TMEM177: variants seen among roughly 807,000 people sequenced by gnomAD.
The protein encoded by TMEM177 is transmembrane protein 177.
A neutral mutation model predicts 14.2 loss-of-function variants in TMEM177; 4 were observed. The observed-to-expected ratio is 0.28, with a 90% CI of 0.14 to 0.64. The LOEUF is 0.64. Among genes scored for constraint, TMEM177 ranks in the 30% least tolerant of loss-of-function variants. The pLI is 0.82. For synonymous variants in TMEM177, 179 were observed against 174.5 expected, an observed-to-expected ratio of 1.03 and a Z score of -0.20; for missense variants, 344 against 405.2, an observed-to-expected ratio of 0.85 and a Z score of 1.30.
chr2:119,709,562 C>T, the TMEM177 span, among the ~76,000 whole-genome samples: 1 of 152,180 alleles, frequency 6.6e-6, no homozygotes, highest in Non-Finnish European at 1.5e-5. Context: ...TGGCTTACAC[C>T]TGTAATCCTA....
the TMEM177 span, among the ~76,000 whole-genome samples, chr2:119,722,028 C>A: frequency 1.3e-5 from 2 of 152,224 alleles, no homozygotes; most frequent in East Asian, 3.9e-4. Context: ...TGACCCTTGG[C>A]CCATGTTAGC....
chr2:119,694,110 TACCACATGC>T, the TMEM177 span, among the ~76,000 whole-genome samples: 24 of 19,836 alleles, frequency 1.2e-3, no homozygotes, highest in South Asian at 3.4e-3. Context: ...CACAAACACA[TACCACATGC>T]ACCACATGCC....
At chr2:119,712,080 A>G in the TMEM177 span, among the ~76,000 whole-genome samples, 1 of 151,964 alleles carries the variant, frequency 6.6e-6, no homozygotes, top group Non-Finnish European at 1.5e-5. Context: ...CAGGGCAGCA[A>G]AGAGACCTGG....
the TMEM177 span, among the ~76,000 whole-genome samples, chr2:119,710,948 C>T: frequency 6.6e-6 from 1 of 152,166 alleles, no homozygotes; most frequent in Non-Finnish European, 1.5e-5. Context: ...AGAGAACCCA[C>T]AAAACCTGCA....
At chr2:119,698,321 G>A in the TMEM177 span, among the ~76,000 whole-genome samples, 1 of 152,262 alleles carries the variant, frequency 6.6e-6, no homozygotes, top group African/African-American at 2.4e-5. Flanking sequence ...GCACAGTTGG[G>A]GGAAGAAACA....
chr2:119,690,846 CA>C (rs1397435664), downstream of TMEM177, among the ~76,000 whole-genome samples: 1 of 152,216 alleles, frequency 6.6e-6, no homozygotes, highest in African/African-American at 2.4e-5. Context: ...CTTGGTTTTC[CA>C]AGACCTGAAA....
chr2:119,697,949 G>A, the TMEM177 span, among the ~76,000 whole-genome samples: 3 of 152,186 alleles, frequency 2.0e-5, no homozygotes, highest in South Asian at 6.2e-4. Context: ...AGGGAGGTGG[G>A]GGAACATAGG....
At chr2:119,690,978 G>C (rs1242372984), downstream of TMEM177, among the ~76,000 whole-genome samples, 2 of 152,222 alleles carry the variant, frequency 1.3e-5, no homozygotes, top group Non-Finnish European at 1.5e-5. Flanking sequence ...GTCCACTTCA[G>C]GGTTAAGCAC....
downstream of TMEM177, chr2:119,686,283 A>AT (rs1159447523): frequency 3.3e-5 from 5 of 152,102 alleles, no homozygotes; most frequent in African/African-American, 4.8e-5. Context: ...AAAAAGATTG[A>AT]TTTTCTAAAT....
chr2:119,681,070 G>A lies in TMEM177; in HGVS notation c.217G>A (p.Gly73Ser), dbSNP rs750416556. 4.9e-5 allele frequency: 79 copies of A among 1,614,138 alleles called. No homozygotes were observed. The Middle Eastern group carries it at 6.6e-4, about 13-fold the overall frequency. ...SLFQEVLQDI[G>S]VPSGHCYKPF... ...CTTCCAAGAGGTGCTACAGGACATAGGTGTTCCTTCAGGCCATTGCTACAA... is the reference window on the plus strand; with the variant it reads ...CTTCCAAGAGGTGCTACAGGACATAAGTGTTCCTTCAGGCCATTGCTACAA... Residue 73 changes from glycine (G) to serine (S), a missense_variant, in exon 2 of 2, where the codon GGT (glycine) becomes AGT (serine). By Grantham distance (56) the Gly-to-Ser change is moderately conservative. Transcript: ENST00000272521.
At chr2:119,688,671 G>A (rs747869722), downstream of TMEM177, among the ~76,000 whole-genome samples, 34 of 152,192 alleles carry the variant, frequency 2.2e-4, no homozygotes, top group Non-Finnish European at 4.1e-4. Context: ...GCGTGTGACT[G>A]TGTGTAAGCA....
chr2:119,707,557 C>T, the TMEM177 span, among the ~76,000 whole-genome samples: 4 of 152,322 alleles, frequency 2.6e-5, no homozygotes, highest in East Asian at 7.7e-4. Context: ...GAGCTTCCAG[C>T]AGCTGCTGTA....
the TMEM177 span, among the ~76,000 whole-genome samples, chr2:119,711,297 G>A: frequency 6.6e-6 from 1 of 152,128 alleles, no homozygotes; most frequent in African/African-American, 2.4e-5. Context: ...AAGATCTGGA[G>A]AAAAAATAGA....
At chr2:119,702,699 A>G in the TMEM177 span, among the ~76,000 whole-genome samples, 2 of 152,368 alleles carry the variant, frequency 1.3e-5, no homozygotes, top group Middle Eastern at 6.8e-3. Context: ...GATCAGGGGA[A>G]AAGGGCATAA....
At chr2:119,689,144 G>A (rs541720944), downstream of TMEM177, among the ~76,000 whole-genome samples, 3 of 152,238 alleles carry the variant, frequency 2.0e-5, no homozygotes, top group East Asian at 1.9e-4. Flanking sequence ...CTTCACAGGC[G>A]GTTCCCCCAA....
chr2:119,689,259 A>G (rs1331574413), downstream of TMEM177, among the ~76,000 whole-genome samples: 1 of 152,082 alleles, frequency 6.6e-6, no homozygotes, highest in Non-Finnish European at 1.5e-5. Context: ...GGTCCTGGGG[A>G]CACTTGCTGT....
chr2:119,716,153 C>T, the TMEM177 span, among the ~76,000 whole-genome samples: 4 of 152,320 alleles, frequency 2.6e-5, no homozygotes, highest in East Asian at 5.8e-4. Context: ...ACAGGTCCTG[C>T]GACAGGGCTG....
chr2:119,683,304 G>A (rs991865177), downstream of TMEM177, among the ~76,000 whole-genome samples: 5 of 152,208 alleles, frequency 3.3e-5, no homozygotes, highest in South Asian at 2.1e-4. Context: ...TACCTAGGAC[G>A]GCACTGGGCA....
chr2:119,697,979 A>G, the TMEM177 span, among the ~76,000 whole-genome samples: 83 of 152,274 alleles, frequency 5.5e-4, 1 homozygote, highest in African/African-American at 1.8e-3. Context: ...GGCATAATAA[A>G]TTATTTTTAG....
Sources: allele counts gnomAD v4.1 joint callset (sites outside exome capture counted in the v4.1 genomes callset), GRCh38; gene constraint gnomAD v4.1.1; transcripts MANE v1.5; gene names NCBI Gene and HGNC (gene_info 2026-07-23, HGNC 2026-07-21).